The following RYR2 variants were observed in gnomAD, a reference collection of about 807,000 sequenced individuals.
RYR2 encodes ryanodine receptor 2.
In RYR2, 227 loss-of-function variants were observed where a neutral mutation model predicts 601.1. That is an observed-to-expected ratio of 0.38 (90% CI 0.34 to 0.42). The LOEUF is 0.42. RYR2 is among the 10% of genes least tolerant of loss of function. The probability of loss-of-function intolerance (pLI) is 1.00; values close to 1 mark genes in which losing one functional copy is unlikely to be tolerated. For missense variants in RYR2, 4,646 were observed against 6,156.5 expected, an observed-to-expected ratio of 0.75 and a Z score of 8.21; for synonymous variants, 2,223 against 2,175.1, an observed-to-expected ratio of 1.02 and a Z score of -0.61.
chr1:237,428,770 A>T lies in RYR2; in HGVS notation c.1005+5522A>T, dbSNP rs1480118930. Among the ~76,000 whole-genome samples the T allele has an allele frequency of 2.8e-5, 4 of 143,282 alleles. No homozygotes were observed. The East Asian group carries it at 8.6e-4, about 31-fold the overall frequency. The allele number at this position is 143,282 out of a possible 152,430, so 94.0% of individuals were successfully genotyped here. On this transcript the variant is annotated intron_variant, in intron 12 of 104. Transcript: ENST00000366574. Reference sequence around the variant, plus strand: ...ATCCTGGAACATTAAAAAAAAAAAAATACAAGTCACTGAAGTTGTAAGTTG... The same window carrying T: ...ATCCTGGAACATTAAAAAAAAAAAATTACAAGTCACTGAAGTTGTAAGTTG...
chr1:237,503,499 C>T lies in RYR2; in HGVS notation c.2607C>T (p.Thr869=). The change falls in exon 22 of 105, where the codon ACC becomes ACT. Residue 869 remains threonine, a synonymous_variant. Coordinates refer to ENST00000366574, the MANE Select transcript of RYR2 (RefSeq NM_001035.3). Reference sequence around the variant, plus strand: ...CCTTCACACCCATCCCTGTGGATACCAGCCAGGTACCAAGATCCACTCGAA... The same window carrying T: ...CCTTCACACCCATCCCTGTGGATACTAGCCAGGTACCAAGATCCACTCGAA... ...QAAFTPIPVD[T]SQIVLPPHLE... 6.2e-7 allele frequency: 1 copy of T among 1,613,332 alleles called. No homozygotes were observed. Among genetic ancestry groups the T allele is most frequent in the East Asian group, 2.2e-5 (1 of 44,864 alleles).
intron 1 of RYR2, among the ~76,000 whole-genome samples, chr1:237,165,140 T>G (rs1300782335): frequency 4.6e-5 from 7 of 151,766 alleles, no homozygotes; most frequent in African/African-American, 1.5e-4. Flanking sequence ...TTTTTTTTTG[T>G]AGAGATGGGG....
At chr1:237,412,249 A>G (rs1172877335) in intron 10 of RYR2, among the ~76,000 whole-genome samples, 2 of 152,148 alleles carry the variant, frequency 1.3e-5, no homozygotes, top group Non-Finnish European at 2.9e-5. Context: ...ACTTATGAGC[A>G]GCGGAATTGA....
At chr1:237,123,470 C>G (rs1053590353) in intron 1 of RYR2, among the ~76,000 whole-genome samples, 2 of 151,912 alleles carry the variant, frequency 1.3e-5, no homozygotes, top group Non-Finnish European at 2.9e-5. Context: ...TGTCTGTAGT[C>G]CCAGCTACTA....
At position 237,833,352 on chromosome 1, in the gene RYR2, C is replaced by CG. The variant is rs1491336090; in HGVS notation, c.*705_*706insG. 1.2e-5 allele frequency: 1 copy of CG among 80,484 alleles called. No homozygotes were observed. Among genetic ancestry groups the CG allele is most frequent in the South Asian group, 5.4e-4 (1 of 1,860 alleles). 5.0% of individuals were successfully genotyped at this position (80,484 alleles called of 1,614,324 possible). A position where few individuals can be genotyped will look rare whatever the true frequency, so the allele number is the denominator to read the frequency against. The stretch of plus-strand genomic sequence containing the variant: ...TCTCATTCAGCTAAATTCACATTTG[C>CG]CCCCCCCCCCCGCCCCCGCCCCCAT... On this transcript the variant is annotated 3_prime_UTR_variant, in exon 105 of 105. Coordinates refer to ENST00000366574, the MANE Select transcript of RYR2 (RefSeq NM_001035.3).
intron 23 of RYR2, among the ~76,000 whole-genome samples, chr1:237,508,603 T>A (rs1365180384): frequency 6.6e-6 from 1 of 152,086 alleles, no homozygotes; most frequent in East Asian, 1.9e-4. Flanking sequence ...AGTGGAACCT[T>A]AGGTGTGTTT....
intron 7 of RYR2, 40 bp downstream of exon 7, chr1:237,374,835 A>G: frequency 1.3e-6 from 2 of 1,516,756 alleles, no homozygotes; most frequent in Middle Eastern, 1.7e-4. Context: ...TTCAGAGAGA[A>G]CCCTGCAGGG....
intron 92 of RYR2, among the ~76,000 whole-genome samples, chr1:237,790,348 A>G (rs1435057199): frequency 1.3e-5 from 2 of 152,072 alleles, no homozygotes; most frequent in East Asian, 3.9e-4. Flanking sequence ...AGTTCTTGCC[A>G]TCTCCACAGG....
chr1:237,781,364 T>C (rs936319105), intron 88 of RYR2, among the ~76,000 whole-genome samples: 2 of 152,238 alleles, frequency 1.3e-5, no homozygotes, highest in Non-Finnish European at 2.9e-5. Flanking sequence ...ACAAATACTT[T>C]AAAGAACATG....
At chr1:237,493,454 T>C (rs1370422697) in intron 19 of RYR2, among the ~76,000 whole-genome samples, 1 of 152,060 alleles carries the variant, frequency 6.6e-6, no homozygotes, top group Non-Finnish European at 1.5e-5. Context: ...AATATCATTG[T>C]TTTTTTCTTT....
At chr1:237,171,988 T>C (rs992098211) in intron 1 of RYR2, among the ~76,000 whole-genome samples, 7 of 152,226 alleles carry the variant, frequency 4.6e-5, no homozygotes, top group African/African-American at 1.7e-4. Flanking sequence ...TTAACATCCG[T>C]GTCTGCTAAG....
intron 100 of RYR2, among the ~76,000 whole-genome samples, chr1:237,811,348 T>C (rs1661231988): frequency 6.6e-6 from 1 of 152,166 alleles, no homozygotes; most frequent in African/African-American, 2.4e-5. Context: ...AAATCTCTTA[T>C]TTGTGTAAAG....
chr1:237,635,070 A>T, intron 44 of RYR2, 78 bp downstream of exon 44: 1 of 1,142,480 alleles, frequency 8.8e-7, no homozygotes, highest in African/African-American at 1.6e-5. Flanking sequence ...AATATAAGTA[A>T]GGTTGGTGCA....
chr1:237,503,521 C>A lies in RYR2; in HGVS notation c.2613+16C>A. Reference sequence around the variant, plus strand: ...TACCAGCCAGGTACCAAGATCCACTCGAATGGCAATCACTGGTATTGCAGT... The same window carrying A: ...TACCAGCCAGGTACCAAGATCCACTAGAATGGCAATCACTGGTATTGCAGT... On this transcript the variant is annotated intron_variant, in intron 22 of 104. Transcript: ENST00000366574. 1 of 1,611,286 alleles carries A rather than the reference C, an allele frequency of 6.2e-7. No homozygotes were observed. The highest frequency in any genetic ancestry group is 8.5e-7 in the Non-Finnish European group (1 of 1,177,736).
chr1:237,590,711 G>A lies in RYR2; in HGVS notation c.3879G>A (p.Gln1293=). The A allele has an allele frequency of 1.2e-6, 2 of 1,605,322 alleles. No homozygotes were observed. The highest frequency in any genetic ancestry group is 1.7e-6 in the Non-Finnish European group (2 of 1,174,154). ...LKVTQKSFGS[Q]NSNTDIMFYR... ...TCACTCAGAAGTCTTTTGGTTCTCAGAACAGCAACACTGATATCATGTTTT... is the reference window on the plus strand; with the variant it reads ...TCACTCAGAAGTCTTTTGGTTCTCAAAACAGCAACACTGATATCATGTTTT... The change falls in exon 31 of 105, where the codon CAG becomes CAA. Residue 1293 remains glutamine (Q), a synonymous_variant. Transcript: ENST00000366574.
At chr1:237,733,923 C>T (rs747599008) in intron 79 of RYR2, among the ~76,000 whole-genome samples, 167 bp downstream of exon 79, 72 of 152,144 alleles carry the variant, frequency 4.7e-4, no homozygotes, top group Non-Finnish European at 5.0e-4. Flanking sequence ...CCTACTTAAA[C>T]ATTTTATTTA....
chr1:237,556,467 A>ATT (rs34327081), intron 27 of RYR2, among the ~76,000 whole-genome samples: 25,361 of 139,422 alleles, frequency 0.18, 2,756 homozygotes, highest in East Asian at 0.36. Context: ...GGCCCGGCTA[A>ATT]TTTTTTTTTT....
At chr1:237,799,516 A>T (rs1020510302) in intron 97 of RYR2, among the ~76,000 whole-genome samples, 5 of 108,508 alleles carry the variant, frequency 4.6e-5, no homozygotes, top group African/African-American at 2.5e-4. Flanking sequence ...AACTGTTTGT[A>T]AGTAAGTTTG....
At chr1:237,059,417 A>C (rs1462843060) in intron 1 of RYR2, among the ~76,000 whole-genome samples, 1 of 152,130 alleles carries the variant, frequency 6.6e-6, no homozygotes, top group Non-Finnish European at 1.5e-5. Flanking sequence ...CTTGTTGTTC[A>C]TACCACCAGG....
Sources: gnomAD v4.1 joint callset for allele counts (sites outside exome capture counted in the v4.1 genomes callset) on GRCh38, gnomAD v4.1.1 for gene constraint, MANE v1.5 for transcripts, NCBI Gene and HGNC (gene_info 2026-07-23, HGNC 2026-07-21) for gene names.